Variants in EXOC6 observed in about 807,000 individuals in gnomAD.
EXOC6 encodes SEC15-like 1.
Under a neutral mutation model 112.5 loss-of-function variants are expected in EXOC6, and 60 were observed. The observed-to-expected ratio is 0.53, with a 90% confidence interval of 0.43 to 0.66. The LOEUF (loss-of-function observed/expected upper bound fraction) is 0.66, where lower values mean the gene tolerates loss of function less well. Among genes scored for constraint, EXOC6 ranks in the 30% least tolerant of loss-of-function variants. EXOC6 has a pLI of 0.00. For synonymous variants in EXOC6, 295 were observed against 308.0 expected (o/e 0.96, Z 0.44); for missense variants, 855 against 957.1 (o/e 0.89, Z 1.41).
At chr10:92,896,614 G>A (rs953448230) in intron 4 of EXOC6, among the ~76,000 whole-genome samples, 1 of 151,840 alleles carries the variant, frequency 6.6e-6, no homozygotes. Context: ...TTGAGACAGA[G>A]TCTCACTCTG....
At chr10:92,859,920 C>A (rs969060209) in intron 1 of EXOC6, among the ~76,000 whole-genome samples, 8 of 151,594 alleles carry the variant, frequency 5.3e-5, no homozygotes, top group African/African-American at 2.4e-5. Context: ...CATCTGTAGA[C>A]AAGGTACAAC....
rs950460568 is a variant in EXOC6 at position 93,055,423 on chromosome 10, C to T, written c.2170-1501C>T. On this transcript the variant is annotated intron_variant, in intron 20 of 21. Transcript: ENST00000260762. Reference sequence around the variant, plus strand: ...TGTGCATAAATTTTTTTCTGTTTCTCGAAGTTGCATTCCAAGAAGTAGGAT... The same window carrying T: ...TGTGCATAAATTTTTTTCTGTTTCTTGAAGTTGCATTCCAAGAAGTAGGAT... Among the ~76,000 whole-genome samples, 11 of 152,008 alleles carry T rather than the reference C, an allele frequency of 7.2e-5. No individual in the cohort carries two copies. In the South Asian group the frequency reaches 1.7e-3, roughly 23 times the overall value.
intron 1 of EXOC6, among the ~76,000 whole-genome samples, chr10:92,892,437 T>C (rs1235088573): frequency 6.6e-6 from 1 of 152,190 alleles, no homozygotes; most frequent in Non-Finnish European, 1.5e-5. Context: ...GGAATTTTAT[T>C]GGAGTTTGGT....
At chr10:93,026,733 C>G (rs781035882) in intron 20 of EXOC6, among the ~76,000 whole-genome samples, 8 of 152,048 alleles carry the variant, frequency 5.3e-5, no homozygotes, top group Non-Finnish European at 7.4e-5. Context: ...TGAACCACAC[C>G]CATATAAGAT....
At position 92,920,494 on chromosome 10, in the gene EXOC6, C is replaced by T. The variant is rs572223707; in HGVS notation, c.888+444C>T. Among the ~76,000 whole-genome samples the T allele has an allele frequency of 2.6e-5, 4 of 152,266 alleles. No homozygotes were observed. The East Asian group carries it at 7.7e-4, about 29-fold the overall frequency. ...ATTCACAAGGATGTGCAACCATTACCACTACCTAATTCCAGAAATACCCAT... is the reference window on the plus strand; with the variant it reads ...ATTCACAAGGATGTGCAACCATTACTACTACCTAATTCCAGAAATACCCAT... On this transcript the variant is annotated intron_variant, in intron 8 of 21. Transcript: ENST00000260762.
chr10:92,926,034 G>T (rs1851695166), intron 8 of EXOC6, among the ~76,000 whole-genome samples: 2 of 143,440 alleles, frequency 1.4e-5, no homozygotes. Context: ...TAGATTTTAG[G>T]TTTTAGGGTG....
intron 1 of EXOC6, among the ~76,000 whole-genome samples, chr10:92,839,189 T>C (rs908679675): frequency 1.3e-5 from 2 of 152,170 alleles, no homozygotes; most frequent in African/African-American, 4.8e-5. Flanking sequence ...ATTGTTTTCA[T>C]TGCTTGCAAC....
chr10:92,847,835 C>CTTTTTTTTTTTT (rs3078184), upstream of EXOC6, among the ~76,000 whole-genome samples: 1 of 93,678 alleles, frequency 1.1e-5, no homozygotes, highest in Non-Finnish European at 2.0e-5. Flanking sequence ...CGCCCTGGGC[C>CTTTTTTTTTTTT]TTTTTTTTTT....
intron 18 of EXOC6, among the ~76,000 whole-genome samples, chr10:92,982,115 CAAAAA>C (rs921523669): frequency 6.6e-6 from 1 of 151,468 alleles, no homozygotes; most frequent in East Asian, 1.9e-4. Context: ...GACTCCGTCT[CAAAAA>C]AAACCAAACA....
At chr10:92,933,198 CA>C (rs1852148781) in intron 9 of EXOC6, among the ~76,000 whole-genome samples, 1 of 151,972 alleles carries the variant, frequency 6.6e-6, no homozygotes, top group Non-Finnish European at 1.5e-5. Context: ...AAAACTGCCA[CA>C]ACTACAAGGA....
At chr10:92,974,787 C>G (rs1842442707) in intron 18 of EXOC6, among the ~76,000 whole-genome samples, 1 of 152,182 alleles carries the variant, frequency 6.6e-6, no homozygotes. Context: ...GGGCTGGTCT[C>G]CAGCTCCTAA....
chr10:92,999,450 G>T, intron 19 of EXOC6: 1 of 297,490 alleles, frequency 3.4e-6, no homozygotes, highest in East Asian at 1.1e-4. Flanking sequence ...TTTAAAAGTT[G>T]TCTTATGAGA....
At chr10:93,024,717 C>T (rs756215621) in intron 20 of EXOC6, among the ~76,000 whole-genome samples, 18 of 152,126 alleles carry the variant, frequency 1.2e-4, no homozygotes, top group Non-Finnish European at 2.1e-4. Flanking sequence ...CGTGCCTGGC[C>T]TTTTATTAGA....
chr10:92,893,908 T>C (rs1313686523), intron 2 of EXOC6, among the ~76,000 whole-genome samples: 1 of 152,234 alleles, frequency 6.6e-6, no homozygotes, highest in African/African-American at 2.4e-5. Flanking sequence ...CATTATTTAA[T>C]AATGTTAAAA....
chr10:93,050,780 A>AAAAAAAAAAAAAAAAAAAAT (rs1846250873), intron 20 of EXOC6, among the ~76,000 whole-genome samples: 1 of 147,610 alleles, frequency 6.8e-6, no homozygotes, highest in Non-Finnish European at 1.5e-5. Context: ...AAAAAAAAAA[A>AAAAAAAAAAAAAAAAAAAAT]AGAATTGCTT....
intron 20 of EXOC6, among the ~76,000 whole-genome samples, chr10:93,029,756 T>A (rs1411842881): frequency 6.6e-6 from 1 of 152,242 alleles, no homozygotes; most frequent in African/African-American, 2.4e-5. Flanking sequence ...TTTATTGTTT[T>A]ACCACTCATA....
chr10:92,968,252 G>A (rs1010467876), intron 17 of EXOC6, among the ~76,000 whole-genome samples: 1 of 146,048 alleles, frequency 6.8e-6, no homozygotes, highest in African/African-American at 2.5e-5. Flanking sequence ...TGGTGCAATC[G>A]TAGCTTACTG....
At position 93,057,024 on chromosome 10, in the gene EXOC6, C is replaced by T. The variant is rs775079179; in HGVS notation, c.2270C>T (p.Thr757Ile). The change falls in exon 21 of 22, where the codon ACT becomes ATT. Residue 757 changes from threonine (T) to isoleucine (I), a missense_variant. Physicochemically the swap from Thr to Ile is moderately conservative, Grantham distance 89 (BLOSUM62 -1). Transcript: ENST00000260762. ...YLRVNPNTAL[T>I]LLEKMKDTSK... is the part of the protein sequence containing the mutation. ...CGGGTGAATCCAAACACAGCCCTTA[C>T]TCTTTTGGAGAAGTGAGTATATTCT... 4 of 1,562,932 alleles carry T rather than the reference C, an allele frequency of 2.6e-6. No homozygotes were observed. The highest frequency in any genetic ancestry group is 3.4e-6 in the Non-Finnish European group (4 of 1,160,736).
chr10:92,877,784 A>G (rs1186471755), intron 1 of EXOC6, among the ~76,000 whole-genome samples: 1 of 152,170 alleles, frequency 6.6e-6, no homozygotes. Context: ...TTGTCTTTTG[A>G]AAAACATTTA....
Sources: allele counts gnomAD v4.1 joint callset (sites outside exome capture counted in the v4.1 genomes callset), GRCh38; gene constraint gnomAD v4.1.1; transcripts MANE v1.5; gene names NCBI Gene and HGNC (gene_info 2026-07-23, HGNC 2026-07-21).